The following CDKL3 variants were observed in gnomAD, a reference collection of about 807,000 sequenced individuals.
The protein encoded by CDKL3 is cyclin-dependent kinase-like 3.
A neutral mutation model predicts 69.3 loss-of-function variants in CDKL3; 65 were observed. The ratio of observed to expected loss-of-function variants is 0.94; its 90% CI spans 0.77 to 1.15. The LOEUF is 1.15. Ranked by LOEUF, CDKL3 falls within the 50% of genes most tolerant of loss-of-function variation. The probability of loss-of-function intolerance (pLI) is 0.00; values close to 1 mark genes in which losing one functional copy is unlikely to be tolerated. For missense variants in CDKL3, 652 were observed against 689.2 expected (o/e 0.95, Z 0.61); for synonymous variants, 202 against 221.6 (o/e 0.91, Z 0.79).
chr5:134,344,136 T>C (rs1024179581), intron 4 of CDKL3, among the ~76,000 whole-genome samples: 6 of 152,188 alleles, frequency 3.9e-5, no homozygotes, highest in African/African-American at 1.4e-4. Context: ...CCTTATAGCA[T>C]ATACAAAAAT....
intron 4 of CDKL3, among the ~76,000 whole-genome samples, chr5:134,340,063 A>G (rs2149557328): frequency 6.6e-6 from 1 of 152,308 alleles, no homozygotes; most frequent in East Asian, 1.9e-4. Context: ...CTGAGGTGGG[A>G]GGATCACTTA....
intron 4 of CDKL3, among the ~76,000 whole-genome samples, chr5:134,323,547 C>T (rs974901910): frequency 6.6e-6 from 1 of 152,030 alleles, no homozygotes; most frequent in African/African-American, 2.4e-5. Flanking sequence ...GAATAAAGAA[C>T]CCAGAAATAG....
intron 4 of CDKL3, among the ~76,000 whole-genome samples, chr5:134,322,936 G>C (rs1412171134): frequency 6.6e-6 from 1 of 151,472 alleles, no homozygotes; most frequent in Non-Finnish European, 1.5e-5. Flanking sequence ...CCGAGATCAT[G>C]CCATTGCACT....
rs1163567991 is a variant in CDKL3, at chr5:134,360,204, A to C, written c.166-113T>G. ...TCATATTCTTAGCTTTGTTCCATGC[A>C]TTTCTTTTTTCTTTTTTTTGAGATG... On this transcript the variant is annotated intron_variant, in intron 2 of 12. Coordinates refer to ENST00000265334, the MANE Select transcript of CDKL3 (RefSeq NM_001113575.2). 4 of 777,780 alleles carry C rather than the reference A, an allele frequency of 5.1e-6. No individual in the cohort carries two copies. In the African/African-American group the frequency reaches 5.3e-5, roughly 10 times the overall value. 48.2% of individuals were successfully genotyped at this position (777,780 alleles called of 1,614,324 possible).
chr5:134,308,053 A>C (rs2149442201), intron 9 of CDKL3, 85 bp downstream of exon 9: 1 of 1,473,926 alleles, frequency 6.8e-7, no homozygotes, highest in Non-Finnish European at 9.0e-7. Context: ...TTCAGTTTAC[A>C]TACAGACACT....
In CDKL3 at chr5:134,366,411, C is replaced by A; in HGVS notation, c.113G>T (p.Arg38Ile). 6.3e-7 allele frequency: 1 copy of A among 1,599,946 alleles called. No homozygotes were observed. The highest frequency in any genetic ancestry group is 8.5e-7 in the Non-Finnish European group (1 of 1,173,458). ...AATTTTGTTGACAGATTGTTCTGGT[C>A]TCTCATAAAATATCTTAATGGCCAC... ...QIVAIKIFYE[R>I]PEQSVNKIAM... The change falls in exon 2 of 13, where the codon AGA becomes ATA. Residue 38 changes from arginine (R) to isoleucine (I), a missense_variant. By Grantham distance (97) the Arg-to-Ile change is moderately conservative. Transcript: ENST00000265334.
intron 6 of CDKL3, 35 bp downstream of exon 6, chr5:134,319,323 C>T (rs1772096014): frequency 8.2e-6 from 12 of 1,468,202 alleles, no homozygotes; most frequent in Non-Finnish European, 1.1e-5. Flanking sequence ...GAGCAAGACT[C>T]TGTCTCCGGG....
chr5:134,297,594 T>C (rs866596165), downstream of CDKL3, among the ~76,000 whole-genome samples: 17 of 151,992 alleles, frequency 1.1e-4, no homozygotes, highest in African/African-American at 4.1e-4. Flanking sequence ...TTCTTTTTTT[T>C]TTTTGAGACG....
At chr5:134,324,917 A>G (rs1033989316) in intron 4 of CDKL3, among the ~76,000 whole-genome samples, 6 of 152,226 alleles carry the variant, frequency 3.9e-5, no homozygotes, top group African/African-American at 1.2e-4. Flanking sequence ...GTAATAGAGA[A>G]ATGTGTGGAG....
chr5:134,336,990 T>C (rs1204589738), intron 4 of CDKL3, among the ~76,000 whole-genome samples: 1 of 152,196 alleles, frequency 6.6e-6, no homozygotes, highest in African/African-American at 2.4e-5. Flanking sequence ...CTCTGCCCAG[T>C]TCGAGTTTCC....
rs1023688288 is a variant in CDKL3 at position 134,350,181 on chromosome 5, C to A, written c.539+68G>T. On this transcript the variant is annotated intron_variant, in intron 4 of 12. Coordinates refer to ENST00000265334, the MANE Select transcript of CDKL3 (RefSeq NM_001113575.2). ...CCAGCCTGGGTGACAGAGCAACACG[C>A]CATCTCAAAAAATAAACAAAAAAAG... 9.7e-6 allele frequency: 12 copies of A among 1,237,478 alleles called. No individual in the cohort carries two copies. The African/African-American group carries it at 1.9e-4, about 19-fold the overall frequency. The allele number at this position is 1,237,478 out of a possible 1,614,324, so 76.7% of individuals were successfully genotyped here.
intron 1 of CDKL3, 124 bp from the exon 2 acceptor site, chr5:134,366,668 A>T (rs1273899355): frequency 6.9e-6 from 5 of 727,060 alleles, no homozygotes; most frequent in Non-Finnish European, 8.4e-6. Context: ...AAAAAAAAAA[A>T]AGGAATCTTT....
At chr5:134,327,080 CAGG>C (rs780662209) in intron 4 of CDKL3, among the ~76,000 whole-genome samples, 6 of 152,000 alleles carry the variant, frequency 3.9e-5, no homozygotes, top group Non-Finnish European at 8.8e-5. Context: ...GCTTTCTTCC[CAGG>C]AGGAGTGGAA....
chr5:134,301,621 C>G (rs1766349721), intron 12 of CDKL3, among the ~76,000 whole-genome samples: 1 of 152,034 alleles, frequency 6.6e-6, no homozygotes, highest in Admixed American at 6.6e-5. Flanking sequence ...GCGGCTCACA[C>G]CTATAATCCC....
In CDKL3 at chr5:134,359,776, G is replaced by A. The variant is rs896756391; in HGVS notation, c.360+121C>T. On this transcript the variant is annotated intron_variant, in intron 3 of 12. Transcript: ENST00000265334. ...CCCTATTCCCTATCCCCATTTTCAG[G>A]ATGTCTATTATTATTGTATAGAAAA... 27 of 720,436 alleles carry A rather than the reference G, an allele frequency of 3.7e-5. No individual in the cohort carries two copies. In the East Asian group the frequency reaches 4.4e-4, roughly 12 times the overall value. 44.6% of individuals were successfully genotyped at this position (720,436 alleles called of 1,614,324 possible). A position where few individuals can be genotyped will look rare whatever the true frequency, so the allele number is the denominator to read the frequency against.
At chr5:134,319,613 G>T in intron 5 of CDKL3, 116 bp from the exon 6 acceptor site, 1 of 918,332 alleles carries the variant, frequency 1.1e-6, no homozygotes. Flanking sequence ...GGAAGAATGT[G>T]AATTATGTAT....
At chr5:134,295,301 G>A (rs1279380729), downstream of CDKL3, among the ~76,000 whole-genome samples, 1 of 152,048 alleles carries the variant, frequency 6.6e-6, no homozygotes, top group Non-Finnish European at 1.5e-5. Context: ...ACAGGTGCAA[G>A]CCACCATGCC....
chr5:134,348,236 G>A (rs1173441038), intron 4 of CDKL3, among the ~76,000 whole-genome samples: 1 of 152,114 alleles, frequency 6.6e-6, no homozygotes, highest in Admixed American at 6.6e-5. Flanking sequence ...TTTAAAAAAT[G>A]CAAGGAAATG....
intron 6 of CDKL3, 159 bp downstream of exon 6, chr5:134,319,199 C>A (rs1772042888): frequency 2.1e-6 from 1 of 483,144 alleles, no homozygotes; most frequent in Non-Finnish European, 3.5e-6. Context: ...GGCATGGTGG[C>A]AGGTGCCTGT....
Sources: allele counts gnomAD v4.1 joint callset (sites outside exome capture counted in the v4.1 genomes callset), GRCh38; gene constraint gnomAD v4.1.1; transcripts MANE v1.5; gene names NCBI Gene and HGNC (gene_info 2026-07-23, HGNC 2026-07-21).